NOS2: variants seen among roughly 807,000 people sequenced by gnomAD.
The protein encoded by NOS2 is nitric oxide synthase 2.
In NOS2, 96 loss-of-function variants were observed where a neutral mutation model predicts 136.0. That is an observed-to-expected ratio of 0.71 (90% CI 0.60 to 0.84). The LOEUF (loss-of-function observed/expected upper bound fraction) is 0.84. NOS2 is among the 40% of genes least tolerant of loss of function. The probability of loss-of-function intolerance (pLI) is 0.00; values close to 1 mark genes in which losing one functional copy is unlikely to be tolerated. For synonymous variants in NOS2, 539 were observed against 587.5 expected (o/e 0.92, Z 1.20); for missense variants, 1,237 against 1,496.9 (o/e 0.83, Z 2.87).
intron 2 of NOS2, among the ~76,000 whole-genome samples, chr17:27,792,393 T>A (rs939931853): frequency 6.6e-6 from 1 of 152,238 alleles, no homozygotes; most frequent in African/African-American, 2.4e-5. Flanking sequence ...CTTTTCCACA[T>A]CTTCCAACTT....
intron 2 of NOS2, chr17:27,793,646 A>G: frequency 5.0e-6 from 2 of 397,272 alleles, no homozygotes; most frequent in Non-Finnish European, 4.4e-6. Flanking sequence ...AGCAGCCTGC[A>G]CAGCCGGGGC....
At chr17:27,794,541 ATCCC>A (rs1256046786) in intron 2 of NOS2, among the ~76,000 whole-genome samples, 2 of 152,172 alleles carry the variant, frequency 1.3e-5, no homozygotes, top group African/African-American at 4.8e-5. Flanking sequence ...AGCACATTAA[ATCCC>A]GAACCCCAGT....
At chr17:27,775,903 T>C (rs989430418) in intron 11 of NOS2, among the ~76,000 whole-genome samples, 1 of 152,398 alleles carries the variant, frequency 6.6e-6, no homozygotes, top group Non-Finnish European at 1.5e-5. Flanking sequence ...TGCCAGGCAC[T>C]GCATAAGGCA....
chr17:27,793,724 G>T, intron 2 of NOS2: 1 of 392,720 alleles, frequency 2.5e-6, no homozygotes, highest in Non-Finnish European at 4.5e-6. Context: ...AGCTCCGCTG[G>T]CTCCACGCGC....
At chr17:27,784,187 C>A (rs1317194471) in intron 5 of NOS2, among the ~76,000 whole-genome samples, 1 of 146,088 alleles carries the variant, frequency 6.8e-6, no homozygotes, top group Non-Finnish European at 1.5e-5. Context: ...CAACAACAAC[C>A]TTGAGATTTC....
intron 11 of NOS2, among the ~76,000 whole-genome samples, chr17:27,776,075 G>A (rs1277927473): frequency 6.6e-6 from 1 of 152,128 alleles, no homozygotes; most frequent in Non-Finnish European, 1.5e-5. Context: ...AGGATACAAC[G>A]CCAGACAGAG....
Position 27,774,372 on chromosome 17 carries a change from C to G in NOS2, c.1361G>C (p.Arg454Pro). The G allele has an allele frequency of 6.3e-7, 1 of 1,581,770 alleles. No individual in the cohort carries two copies. ...AATCCAGTCTGCCGGGCAGCCCCCACGGGACCGGTATTCATTCTGCATGTA... is the reference window on the plus strand; with the variant it reads ...AATCCAGTCTGCCGGGCAGCCCCCAGGGGACCGGTATTCATTCTGCATGTA... ...MKYMQNEYRS[R>P]GGCPADWIWL... Residue 454 changes from arginine (R) to proline (P), a missense_variant, in exon 12 of 27, where the codon CGT (arginine) becomes CCT (proline). This residue lies in a region of NOS2 where 782 missense variants were observed against 909.9 expected (regional missense o/e 0.86). Coordinates refer to ENST00000313735, the MANE Select transcript of NOS2 (RefSeq NM_000625.4).
intron 15 of NOS2, 31 bp downstream of exon 15, chr17:27,770,882 C>A (rs774990148): frequency 1.9e-6 from 3 of 1,554,574 alleles, no homozygotes; most frequent in Non-Finnish European, 2.7e-6. Context: ...CCCTACCACC[C>A]CCTAGACCAG....
chr17:27,782,846 C>T (rs942915498), intron 6 of NOS2, 98 bp downstream of exon 6: 3 of 1,245,060 alleles, frequency 2.4e-6, no homozygotes, highest in Non-Finnish European at 2.3e-6. Flanking sequence ...GCTTCAGTCC[C>T]AGGAGGCCTG....
At chr17:27,783,731 C>T (rs9895453) in intron 5 of NOS2, among the ~76,000 whole-genome samples, 78,891 of 152,092 alleles carry the variant, frequency 0.52, 20,547 homozygotes, top group South Asian at 0.64. Context: ...GGAGGTTAAG[C>T]ACCAGGCCCA....
Position 27,778,734 on chromosome 17 carries a change from G to T in NOS2, c.1237C>A (p.Gln413Lys), listed in dbSNP as rs1227362130. The stretch of plus-strand genomic sequence containing the variant: ...GCAATGTTGATCTCAACGACAGCCT[G>T]GTCTTTCCAGAGCGAGGCCAGCTTG... The part of the protein sequence containing the change: ...THKLASLWKD[Q>K]AVVEINIAVL... The change falls in exon 11 of 27, where the codon CAG (glutamine) becomes AAG (lysine). Residue 413 changes from glutamine to lysine, a missense_variant. Gln to Lys is a moderately conservative substitution (Grantham distance 53, BLOSUM62 1). Coordinates refer to ENST00000313735, the MANE Select transcript of NOS2 (RefSeq NM_000625.4). 2 of 1,614,064 alleles carry T rather than the reference G, an allele frequency of 1.2e-6. No homozygotes were observed. Among genetic ancestry groups the T allele is most frequent in the Non-Finnish European group, 1.7e-6 (2 of 1,180,018 alleles).
Position 27,769,584 on chromosome 17 carries a change from T to C in NOS2, c.1810A>G (p.Lys604Glu). The C allele has an allele frequency of 6.2e-7, 1 of 1,612,100 alleles. No individual in the cohort carries two copies. The highest frequency in any genetic ancestry group is 1.7e-5 in the Admixed American group (1 of 60,030). Residue 604 changes from lysine (K) to glutamate (E), a missense_variant and splice_region_variant, in exon 16 of 27, where the codon AAA becomes GAA. Transcript: ENST00000313735. ...GNGDCPGNGE[K>E]LKKSLFMLKE... ...AGCATGAAGAGCGATTTCTTCAGTTTCTAGAAAGAGAGGGAATGACAGAGT... is the reference window on the plus strand; with the variant it reads ...AGCATGAAGAGCGATTTCTTCAGTTCCTAGAAAGAGAGGGAATGACAGAGT...
chr17:27,769,606 G>A, intron 15 of NOS2, 22 bp from the exon 16 acceptor site: 4 of 1,598,952 alleles, frequency 2.5e-6, no homozygotes, highest in Non-Finnish European at 3.4e-6. Context: ...GGGAATGACA[G>A]AGTTCTCAAG....
chr17:27,782,244 A>G lies in NOS2; in HGVS notation c.631-138T>C, dbSNP rs2142518272. 3 of 724,084 alleles carry G rather than the reference A, an allele frequency of 4.1e-6. No homozygotes were observed. In the East Asian group the frequency reaches 8.1e-5, roughly 20 times the overall value. 44.9% of individuals were successfully genotyped at this position (724,084 alleles called of 1,614,324 possible). A position where few individuals can be genotyped will look rare whatever the true frequency, so the allele number is the denominator to read the frequency against. On this transcript the variant is annotated intron_variant, in intron 6 of 26. Transcript: ENST00000313735. The stretch of plus-strand genomic sequence containing the variant: ...CACTCAACACCATGCCGAAGAGTGC[A>G]GCCTCCAATCTGCACCTGCCACTCA...
At chr17:27,770,530 AAAAC>A (rs1318424435) in intron 15 of NOS2, among the ~76,000 whole-genome samples, 4 of 152,172 alleles carry the variant, frequency 2.6e-5, no homozygotes, top group Non-Finnish European at 5.9e-5. Context: ...CAAAAACCAA[AAAAC>A]AAACAAAACA....
intron 2 of NOS2, among the ~76,000 whole-genome samples, chr17:27,794,382 C>G (rs1909287339): frequency 6.6e-6 from 1 of 152,182 alleles, no homozygotes; most frequent in African/African-American, 2.4e-5. Context: ...GGCCCCTTGT[C>G]CTTGCTACCT....
intron 15 of NOS2, 49 bp downstream of exon 15, chr17:27,770,864 C>T (rs1908468551): frequency 1.4e-6 from 2 of 1,411,990 alleles, no homozygotes; most frequent in Admixed American, 1.7e-5. Context: ...TTCCTGGGTC[C>T]TCCCGTGCCC....
intron 2 of NOS2, among the ~76,000 whole-genome samples, chr17:27,790,174 A>C (rs1423519346): frequency 6.6e-6 from 1 of 152,072 alleles, no homozygotes; most frequent in Non-Finnish European, 1.5e-5. Context: ...GCTCTCTGCA[A>C]CCTCCACTTC....
At chr17:27,777,356 C>T (rs955148398) in intron 11 of NOS2, among the ~76,000 whole-genome samples, 1 of 152,228 alleles carries the variant, frequency 6.6e-6, no homozygotes, top group African/African-American at 2.4e-5. Flanking sequence ...TATCTTCCTA[C>T]ATCTCAGGCC....
Sources: allele counts gnomAD v4.1 joint callset (sites outside exome capture counted in the v4.1 genomes callset), GRCh38; gene constraint gnomAD v4.1.1; regional missense constraint gnomAD v4.1.1; transcripts MANE v1.5; gene names NCBI Gene and HGNC (gene_info 2026-07-23, HGNC 2026-07-21).